AGBL4: variants seen among roughly 807,000 people sequenced by gnomAD.
AGBL4 encodes the protein AGBL carboxypeptidase 4, also known as cytosolic carboxypeptidase 6.
A neutral mutation model predicts 66.4 loss-of-function variants in AGBL4; 58 were observed. The observed-to-expected ratio is 0.87, with a 90% CI of 0.71 to 1.09. The LOEUF (loss-of-function observed/expected upper bound fraction) is 1.09. AGBL4 is among the 50% of genes least tolerant of loss of function. The probability of loss-of-function intolerance (pLI) is 0.00; values close to 1 mark genes in which losing one functional copy is unlikely to be tolerated. For missense variants in AGBL4, 579 were observed against 631.0 expected, an observed-to-expected ratio of 0.92 and a Z score of 0.88; for synonymous variants, 234 against 222.9, an observed-to-expected ratio of 1.05 and a Z score of -0.44.
chr1:49,350,187 G>GT (rs565127283), intron 3 of AGBL4, among the ~76,000 whole-genome samples: 12,473 of 142,396 alleles, frequency 0.088, 811 homozygotes, highest in African/African-American at 0.17. Flanking sequence ...ATGAATATTT[G>GT]TTTTTTTTTT....
rs139948190 is a variant in AGBL4, at chr1:49,191,352, T to G, written c.377+54418A>C. 2.8e-3 allele frequency among the ~76,000 whole-genome samples: 433 copies of G among 152,352 alleles called. 3 individuals carry two copies. The highest frequency in any genetic ancestry group is 9.9e-3 in the African/African-American group (410 of 41,584). On this transcript the variant is annotated intron_variant, in intron 4 of 13. Transcript: ENST00000371839. The stretch of plus-strand genomic sequence containing the variant: ...ATTTAGTCCATAATGCAGGAAAGCT[T>G]CATTATGACAGCAACTAAGTTTGTC...
At chr1:49,237,344 A>G (rs2148311130) in intron 4 of AGBL4, among the ~76,000 whole-genome samples, 1 of 151,470 alleles carries the variant, frequency 6.6e-6, no homozygotes, top group South Asian at 2.1e-4. Flanking sequence ...TCCATGTAAG[A>G]TATGACTTGC....
chr1:48,942,933 C>G (rs576783343), intron 5 of AGBL4, among the ~76,000 whole-genome samples: 1 of 152,270 alleles, frequency 6.6e-6, no homozygotes, highest in South Asian at 2.1e-4. Context: ...ATGGTATTGG[C>G]TATAAGTATT....
intron 3 of AGBL4, among the ~76,000 whole-genome samples, chr1:49,565,003 CATAT>C (rs1235267683): frequency 1.3e-5 from 2 of 152,116 alleles, no homozygotes; most frequent in Non-Finnish European, 2.9e-5. Context: ...GTATTGGGTG[CATAT>C]ATATTTAGGA....
intron 7 of AGBL4, among the ~76,000 whole-genome samples, chr1:48,661,100 C>T (rs892175037): frequency 3.1e-5 from 4 of 127,200 alleles, no homozygotes; most frequent in African/African-American, 1.0e-4. Flanking sequence ...AGACCTTACA[C>T]AGCTCGTGGT....
intron 3 of AGBL4, among the ~76,000 whole-genome samples, chr1:49,636,836 C>T (rs752930752): frequency 2.6e-5 from 4 of 152,106 alleles, no homozygotes. Flanking sequence ...ACAGTTAATA[C>T]TGAGTGTCAA....
At chr1:49,830,086 T>C (rs1285886182) in intron 2 of AGBL4, among the ~76,000 whole-genome samples, 2 of 152,162 alleles carry the variant, frequency 1.3e-5, no homozygotes, top group Non-Finnish European at 2.9e-5. Flanking sequence ...TACATGTGCA[T>C]GTGTCTTTAC....
intron 3 of AGBL4, among the ~76,000 whole-genome samples, chr1:49,693,975 G>A (rs556555101): frequency 6.6e-6 from 1 of 152,076 alleles, no homozygotes; most frequent in Non-Finnish European, 1.5e-5. Context: ...CTACTTTTAC[G>A]GGTTAATATA....
chr1:49,284,569 C>A (rs1052175605), intron 3 of AGBL4, among the ~76,000 whole-genome samples: 4 of 152,174 alleles, frequency 2.6e-5, no homozygotes, highest in African/African-American at 9.7e-5. Flanking sequence ...TTAAAAGACA[C>A]AGACTGGCAA....
intron 5 of AGBL4, among the ~76,000 whole-genome samples, chr1:48,880,592 A>C (rs1271232953): frequency 6.6e-6 from 1 of 152,196 alleles, no homozygotes; most frequent in Admixed American, 6.5e-5. Context: ...AGCAGGGTAG[A>C]AGTGCTCCCT....
intron 7 of AGBL4, 60 bp downstream of exon 7, chr1:48,663,092 A>G (rs1044549804): frequency 1.3e-6 from 2 of 1,502,170 alleles, no homozygotes; most frequent in Non-Finnish European, 1.9e-6. Flanking sequence ...TGTTCCAGAG[A>G]TCATCACAGT....
intron 3 of AGBL4, among the ~76,000 whole-genome samples, chr1:49,340,025 A>G (rs1441743386): frequency 2.0e-5 from 3 of 152,188 alleles, no homozygotes; most frequent in African/African-American, 4.8e-5. Context: ...GGTACTAGCC[A>G]AAGGAATATG....
chr1:49,861,723 GA>G (rs1409792972), intron 1 of AGBL4, among the ~76,000 whole-genome samples: 2 of 152,262 alleles, frequency 1.3e-5, no homozygotes, highest in East Asian at 3.9e-4. Flanking sequence ...GAAAGTAGGG[GA>G]AAAGATAAAG....
At chr1:49,915,844 A>C (rs1651406190) in intron 1 of AGBL4, among the ~76,000 whole-genome samples, 1 of 152,162 alleles carries the variant, frequency 6.6e-6, no homozygotes, top group Non-Finnish European at 1.5e-5. Context: ...TAATAGGGGC[A>C]GACTGACACC....
rs536844968 is a variant in AGBL4 at position 48,832,344 on chromosome 1, C to A, written c.634+34847G>T. On this transcript the variant is annotated intron_variant, in intron 6 of 13. Coordinates refer to ENST00000371839, the MANE Select transcript of AGBL4 (RefSeq NM_032785.4). ...TACTTTAGCGAGTTGATGGACCTGC[C>A]GTGTGAATTCTGCACAGCTCAGACT... is the stretch of plus-strand genomic sequence containing the variant. Among the ~76,000 whole-genome samples the A allele has an allele frequency of 4.6e-5, 7 of 152,262 alleles. No individual in the cohort carries two copies. The South Asian group carries it at 1.5e-3, about 32-fold the overall frequency.
At chr1:49,717,794 A>C (rs1269354017) in intron 2 of AGBL4, among the ~76,000 whole-genome samples, 3 of 152,058 alleles carry the variant, frequency 2.0e-5, no homozygotes, top group Non-Finnish European at 4.4e-5. Context: ...CTGTTGAGCA[A>C]ATGTATACAT....
intron 3 of AGBL4, among the ~76,000 whole-genome samples, chr1:49,628,525 A>C (rs1229235184): frequency 6.6e-6 from 1 of 152,118 alleles, no homozygotes; most frequent in Non-Finnish European, 1.5e-5. Flanking sequence ...TGCACCTCTA[A>C]AGTCTACATG....
chr1:49,157,775 A>G (rs1010988936), intron 4 of AGBL4, among the ~76,000 whole-genome samples: 9 of 152,084 alleles, frequency 5.9e-5, no homozygotes, highest in African/African-American at 2.2e-4. Flanking sequence ...TGCCATTCTA[A>G]CTGGCATGAG....
intron 6 of AGBL4, among the ~76,000 whole-genome samples, chr1:48,692,183 G>C (rs1344799502): frequency 6.6e-6 from 1 of 152,220 alleles, no homozygotes; most frequent in Non-Finnish European, 1.5e-5. Context: ...AGGGGGAAGG[G>C]TGTGAGAGAC....
Sources: gnomAD v4.1 joint callset for allele counts (sites outside exome capture counted in the v4.1 genomes callset) on GRCh38, gnomAD v4.1.1 for gene constraint, MANE v1.5 for transcripts, NCBI Gene and HGNC (gene_info 2026-07-23, HGNC 2026-07-21) for gene names.